WDFY4: variants seen among roughly 807,000 people sequenced by gnomAD.
WDFY4 encodes WD repeat- and FYVE domain-containing protein 4.
In WDFY4, 169 loss-of-function variants were observed where a neutral mutation model predicts 351.9. The ratio of observed to expected loss-of-function variants is 0.48; its 90% CI spans 0.42 to 0.55. The LOEUF is 0.55. Among genes scored for constraint, WDFY4 ranks in the 20% least tolerant of loss-of-function variants. WDFY4 has a pLI of 0.00. For missense variants in WDFY4, 3,803 were observed against 3,935.6 expected, an observed-to-expected ratio of 0.97 and a Z score of 0.90; for synonymous variants, 1,622 against 1,574.6, an observed-to-expected ratio of 1.03 and a Z score of -0.71.
In WDFY4 at chr10:48,890,706, G is replaced by C; in HGVS notation, c.7295G>C (p.Cys2432Ser). 6.4e-7 allele frequency: 1 copy of C among 1,551,676 alleles called. No individual in the cohort carries two copies. Among genetic ancestry groups the C allele is most frequent in the Non-Finnish European group, 8.7e-7 (1 of 1,146,988 alleles). ...FTLSPTGDVY[C>S]TRHCLSNISD... Reference sequence around the variant, plus strand: ...CTGTCTCCCACGGGTGATGTCTACTGTACCCGTCACTGCTTATCCAAGTGA... The same window carrying C: ...CTGTCTCCCACGGGTGATGTCTACTCTACCCGTCACTGCTTATCCAAGTGA... The change falls in exon 44 of 62, where the codon TGT (cysteine) becomes TCT (serine). Residue 2432 changes from cysteine (C) to serine (S), a missense_variant. Physicochemically the swap from Cys to Ser is moderately radical, Grantham distance 112. Around this residue, in one of 3 missense-constraint regions of WDFY4, gnomAD observed 3,054 missense variants for 3,148.6 expected, o/e 0.97. Transcript: ENST00000325239.
intron 46 of WDFY4, among the ~76,000 whole-genome samples, chr10:48,900,529 C>G (rs1032722651): frequency 6.6e-6 from 1 of 152,184 alleles, no homozygotes; most frequent in Non-Finnish European, 1.5e-5. Context: ...AGGAAGCAGG[C>G]TCCATTTTCC....
chr10:48,763,233 G>A (rs911582071), intron 13 of WDFY4, among the ~76,000 whole-genome samples: 6 of 152,204 alleles, frequency 3.9e-5, no homozygotes, highest in Non-Finnish European at 7.3e-5. Context: ...CATTCTGCAG[G>A]TATTTGGGGC....
intron 2 of WDFY4, among the ~76,000 whole-genome samples, chr10:48,714,841 G>C (rs1406894011): frequency 6.6e-6 from 1 of 152,226 alleles, no homozygotes; most frequent in African/African-American, 2.4e-5. Context: ...GAAATATGTG[G>C]ATGTGGTAGA....
At chr10:48,853,523 T>A (rs1041961740) in intron 39 of WDFY4, among the ~76,000 whole-genome samples, 2 of 152,230 alleles carry the variant, frequency 1.3e-5, no homozygotes, top group Non-Finnish European at 2.9e-5. Context: ...GTCCACCATG[T>A]GAACTCTCAC....
chr10:48,891,020 C>T (rs924753429), intron 44 of WDFY4, among the ~76,000 whole-genome samples: 1 of 152,174 alleles, frequency 6.6e-6, no homozygotes, highest in African/African-American at 2.4e-5. Flanking sequence ...TGAATTCAGT[C>T]GCCGTCAACT....
At chr10:48,685,422 C>G (rs1026842618) in intron 1 of WDFY4, among the ~76,000 whole-genome samples, 4 of 152,182 alleles carry the variant, frequency 2.6e-5, no homozygotes, top group Non-Finnish European at 5.9e-5. Flanking sequence ...GAGGCTCGCC[C>G]TCCAAGCTCC....
chr10:48,769,804 T>C (rs1045908758), intron 13 of WDFY4, among the ~76,000 whole-genome samples: 2 of 152,170 alleles, frequency 1.3e-5, no homozygotes, highest in East Asian at 3.8e-4. Flanking sequence ...AGAATGAACA[T>C]CCACAGACAG....
intron 19 of WDFY4, among the ~76,000 whole-genome samples, chr10:48,781,300 A>G (rs1383146986): frequency 6.6e-6 from 1 of 151,720 alleles, no homozygotes; most frequent in African/African-American, 2.4e-5. Flanking sequence ...GTGTATATAT[A>G]TATATGTTTT....
intron 44 of WDFY4, among the ~76,000 whole-genome samples, chr10:48,894,619 T>A (rs370175576): frequency 1.7e-4 from 26 of 152,156 alleles, no homozygotes; most frequent in African/African-American, 6.3e-4. Context: ...TTAGCAAACA[T>A]GTCCTGAGCT....
At chr10:48,694,807 C>T (rs1027487984) in intron 1 of WDFY4, among the ~76,000 whole-genome samples, 2 of 152,164 alleles carry the variant, frequency 1.3e-5, no homozygotes, top group Non-Finnish European at 2.9e-5. Flanking sequence ...CAGGGTCCAT[C>T]CTTACTCTTC....
intron 57 of WDFY4, among the ~76,000 whole-genome samples, chr10:48,970,918 G>A (rs1379864364): frequency 2.0e-5 from 3 of 152,180 alleles, no homozygotes; most frequent in East Asian, 1.9e-4. Flanking sequence ...AATGCTAATC[G>A]CAGCGGCACT....
chr10:48,982,938 C>A lies in WDFY4; in HGVS notation c.*363C>A. 2.8e-6 allele frequency: 1 copy of A among 355,880 alleles called. No individual in the cohort carries two copies. The highest frequency in any genetic ancestry group is 5.6e-6 in the Non-Finnish European group (1 of 179,760). The allele number at this position is 355,880 out of a possible 1,614,324, so 22.0% of individuals were successfully genotyped here. On this transcript the variant is annotated 3_prime_UTR_variant, in exon 62 of 62. Transcript: ENST00000325239. ...TTGTATTGTCTTTATTTTATTAAAG[C>A]AACTATGTTTTAAATGCAGAAGGGC...
Position 48,743,478 on chromosome 10 carries a change from G to C in WDFY4, c.2389G>C (p.Asp797His). ...GAGGACCAAGCAGGGGCCGGTTGTG[G>C]ATGTTCAGAAGGGAGAAACTGGCAG... ...SLRTKQGPVV[D>H]VQKGETGSDP... The change falls in exon 12 of 62, where the codon GAT (aspartate) becomes CAT (histidine). Residue 797 changes from aspartate to histidine, a missense_variant. Transcript: ENST00000325239. 6.5e-7 allele frequency: 1 copy of C among 1,546,870 alleles called. No homozygotes were observed. The highest frequency in any genetic ancestry group is 1.2e-5 in the South Asian group (1 of 84,060).
chr10:48,762,884 C>T (rs907732178), intron 13 of WDFY4, among the ~76,000 whole-genome samples: 10 of 152,172 alleles, frequency 6.6e-5, no homozygotes, highest in Non-Finnish European at 1.3e-4. Flanking sequence ...GTCAGGGGCT[C>T]GGCTTAGACT....
intron 12 of WDFY4, among the ~76,000 whole-genome samples, chr10:48,754,277 A>C (rs1254113054): frequency 1.3e-5 from 2 of 149,882 alleles, no homozygotes; most frequent in South Asian, 4.2e-4. Context: ...TCAGTATCAG[A>C]GTAAAAATAC....
intron 12 of WDFY4, among the ~76,000 whole-genome samples, chr10:48,752,375 A>T (rs2065210551): frequency 6.6e-6 from 1 of 152,256 alleles, no homozygotes; most frequent in African/African-American, 2.4e-5. Flanking sequence ...TACTTTAAAA[A>T]AATCTTAGCT....
At chr10:48,883,190 G>C (rs1397874634) in intron 43 of WDFY4, among the ~76,000 whole-genome samples, 1 of 152,178 alleles carries the variant, frequency 6.6e-6, no homozygotes, top group African/African-American at 2.4e-5. Context: ...TGGCATCTCT[G>C]CCTGGGATGC....
intron 51 of WDFY4, among the ~76,000 whole-genome samples, chr10:48,950,671 T>A (rs964792454): frequency 2.6e-5 from 4 of 152,220 alleles, no homozygotes; most frequent in African/African-American, 9.6e-5. Context: ...CTACAGAGGT[T>A]GTCCAGAGGG....
At chr10:48,764,357 A>G (rs943463548) in intron 13 of WDFY4, among the ~76,000 whole-genome samples, 1 of 152,222 alleles carries the variant, frequency 6.6e-6, no homozygotes, top group African/African-American at 2.4e-5. Flanking sequence ...CATCATCATC[A>G]ATATTAGAAA....
Sources: gnomAD v4.1 joint callset for allele counts (sites outside exome capture counted in the v4.1 genomes callset) on GRCh38, gnomAD v4.1.1 for gene constraint, gnomAD v4.1.1 regional missense constraint, MANE v1.5 for transcripts, NCBI Gene and HGNC (gene_info 2026-07-23, HGNC 2026-07-21) for gene names.